The following MBD2 variants were observed in gnomAD, a reference collection of about 807,000 sequenced individuals.
MBD2 encodes methyl-CpG binding domain protein 2, also known as methyl-CpG-binding domain protein 2.
A neutral mutation model predicts 39.3 loss-of-function variants in MBD2; 9 were observed. The observed-to-expected ratio is 0.23, with a 90% CI of 0.14 to 0.40. The LOEUF is 0.40. Ranked by LOEUF, MBD2 falls within the 10% of genes least tolerant of loss-of-function variation. The pLI, the probability that MBD2 is intolerant of heterozygous loss-of-function variation, is 1.00. For missense variants in MBD2, 458 were observed against 532.6 expected (o/e 0.86, Z 1.38); for synonymous variants, 233 against 211.1 (o/e 1.10, Z -0.90).
chr18:54,224,552 G>A lies in MBD2; in HGVS notation c.8C>T (p.Ala3Val). The change falls in exon 1 of 7, where the codon GCG becomes GTG. Residue 3 changes from alanine to valine, a missense_variant. Physicochemically the swap from Ala to Val is moderately conservative, Grantham distance 64. This residue lies in a region of MBD2 where 269 missense variants were observed against 236.0 expected (regional missense o/e 1.14). Transcript: ENST00000256429. ...GCAGCAGCGGCCTCCCCCCGGGTGC[G>A]CGCGCATCCAGCCCCCTCCCCAGCC... is the stretch of plus-strand genomic sequence containing the variant. The part of the protein sequence containing the change: MR[A>V]HPGGGRCCPE... 1 of 1,227,172 alleles carries A rather than the reference G, an allele frequency of 8.1e-7. No individual in the cohort carries two copies. 76.0% of individuals were successfully genotyped at this position (1,227,172 alleles called of 1,614,324 possible).
chr18:54,165,983 T>C (rs1473038113), intron 4 of MBD2, 93 bp downstream of exon 4: 1 of 830,180 alleles, frequency 1.2e-6, no homozygotes. Flanking sequence ...AAAGGCCTCC[T>C]GTCAGTCATT....
chr18:54,162,746 AT>A (rs1474592310), intron 5 of MBD2, among the ~76,000 whole-genome samples: 2 of 152,202 alleles, frequency 1.3e-5, no homozygotes, highest in Non-Finnish European at 2.9e-5. Context: ...GAGCAAGTTG[AT>A]TCCTTTCATT....
chr18:54,168,276 A>G (rs1003421122), intron 3 of MBD2, among the ~76,000 whole-genome samples: 1 of 151,546 alleles, frequency 6.6e-6, no homozygotes, highest in Admixed American at 6.6e-5. Flanking sequence ...TCAAACTTCT[A>G]TCAGTAACAA....
At chr18:54,207,244 G>GAT (rs2086457885) in intron 1 of MBD2, among the ~76,000 whole-genome samples, 2 of 152,108 alleles carry the variant, frequency 1.3e-5, no homozygotes, top group South Asian at 4.2e-4. Flanking sequence ...GAATCTTCCA[G>GAT]TCATGTCTTT....
intron 5 of MBD2, among the ~76,000 whole-genome samples, chr18:54,163,180 G>A (rs1238950950): frequency 6.6e-6 from 1 of 152,292 alleles, no homozygotes; most frequent in East Asian, 1.9e-4. Context: ...GCTGAGGCAG[G>A]AGAATTGCTT....
intron 5 of MBD2, among the ~76,000 whole-genome samples, chr18:54,161,868 T>C (rs529300715): frequency 1.1e-3 from 19 of 17,392 alleles, no homozygotes; most frequent in Non-Finnish European, 1.6e-3. Flanking sequence ...CAACTGATTT[T>C]GAGTCAATCG....
intron 1 of MBD2, among the ~76,000 whole-genome samples, chr18:54,218,627 T>G (rs2086582230): frequency 6.6e-6 from 1 of 151,880 alleles, no homozygotes; most frequent in African/African-American, 2.4e-5. Context: ...TCCCAATCTG[T>G]AAAATGGAGA....
chr18:54,216,168 A>G (rs890337099), intron 1 of MBD2, among the ~76,000 whole-genome samples: 1 of 152,308 alleles, frequency 6.6e-6, no homozygotes, highest in East Asian at 1.9e-4. Flanking sequence ...AATGAAACCA[A>G]AAGTCCTATA....
chr18:54,163,908 GGA>G (rs2086112585), intron 5 of MBD2, among the ~76,000 whole-genome samples: 1 of 152,068 alleles, frequency 6.6e-6, no homozygotes, highest in African/African-American at 2.4e-5. Context: ...TTCTAAGACA[GGA>G]TCTAGCTCTG....
At chr18:54,193,984 GGCCTAA>G (rs2086344026) in intron 2 of MBD2, among the ~76,000 whole-genome samples, 2 of 151,936 alleles carry the variant, frequency 1.3e-5, no homozygotes, top group African/African-American at 4.8e-5. Flanking sequence ...AGTCTGAAAG[GGCCTAA>G]TTATTGTGTA....
chr18:54,210,179 T>C (rs2086490776), intron 1 of MBD2, among the ~76,000 whole-genome samples: 3 of 152,142 alleles, frequency 2.0e-5, no homozygotes, highest in South Asian at 2.1e-4. Flanking sequence ...CTACCCACTA[T>C]TTAAATAAAC....
At position 54,153,704 on chromosome 18, in the gene MBD2, C is replaced by T. The variant is rs1353728491; in HGVS notation, c.*1620G>A. ...AAAAAGAAATCACTATGATCCTCAC[C>T]CCCACCCCAGTTGGGACAGTCTGAT... On this transcript the variant is annotated 3_prime_UTR_variant, in exon 7 of 7. Coordinates refer to ENST00000256429, the MANE Select transcript of MBD2 (RefSeq NM_003927.5). The T allele has an allele frequency of 1.3e-5, 2 of 152,122 alleles. No homozygotes were observed. 9.4% of individuals were successfully genotyped at this position (152,122 alleles called of 1,614,324 possible).
intron 2 of MBD2, among the ~76,000 whole-genome samples, chr18:54,194,477 A>C (rs1489804266): frequency 1.3e-5 from 2 of 152,038 alleles, no homozygotes; most frequent in Non-Finnish European, 2.9e-5. Flanking sequence ...GTTTATTATA[A>C]TTATTAGTAT....
chr18:54,180,261 G>A (rs2086241370), intron 3 of MBD2, among the ~76,000 whole-genome samples: 1 of 152,050 alleles, frequency 6.6e-6, no homozygotes, highest in Admixed American at 6.5e-5. Flanking sequence ...TCTCCCCACA[G>A]ATTTACATCC....
chr18:54,187,994 T>C (rs1236187325), intron 3 of MBD2, among the ~76,000 whole-genome samples: 1 of 152,100 alleles, frequency 6.6e-6, no homozygotes, highest in East Asian at 1.9e-4. Context: ...AATGAAAAGG[T>C]AGAGTGAGAC....
chr18:54,168,988 T>C (rs2086158819), intron 3 of MBD2, among the ~76,000 whole-genome samples: 1 of 152,102 alleles, frequency 6.6e-6, no homozygotes, highest in Non-Finnish European at 1.5e-5. Context: ...TAAAGGTATA[T>C]ACAGTAGGCA....
chr18:54,179,450 C>T (rs546808435), intron 3 of MBD2, among the ~76,000 whole-genome samples: 103 of 152,234 alleles, frequency 6.8e-4, no homozygotes, highest in Non-Finnish European at 1.3e-3. Flanking sequence ...AATATAAAGG[C>T]AAAACATCCT....
At chr18:54,191,357 A>C (rs2086318916) in intron 2 of MBD2, among the ~76,000 whole-genome samples, 1 of 152,250 alleles carries the variant, frequency 6.6e-6, no homozygotes, top group African/African-American at 2.4e-5. Context: ...ATTTGATGGC[A>C]GGTGGATCAA....
intron 3 of MBD2, among the ~76,000 whole-genome samples, chr18:54,172,251 T>TA (rs1020723405): frequency 6.6e-5 from 10 of 152,150 alleles, no homozygotes; most frequent in African/African-American, 1.2e-4. Flanking sequence ...GCTCACATGG[T>TA]AAAAAATAAA....
Sources: gnomAD v4.1 joint callset for allele counts (sites outside exome capture counted in the v4.1 genomes callset) on GRCh38, gnomAD v4.1.1 for gene constraint, gnomAD v4.1.1 regional missense constraint, MANE v1.5 for transcripts, NCBI Gene and HGNC (gene_info 2026-07-23, HGNC 2026-07-21) for gene names.